JMJD1C: variants seen among roughly 807,000 people sequenced by gnomAD.
JMJD1C encodes the protein jumonji domain containing 1C.
In JMJD1C, 31 loss-of-function variants were observed where a neutral mutation model predicts 245.3. That is an observed-to-expected ratio of 0.13 (90% CI 0.09 to 0.17). The LOEUF (loss-of-function observed/expected upper bound fraction) is 0.17. Ranked by LOEUF, JMJD1C falls within the 10% of genes least tolerant of loss-of-function variation. The pLI, the probability that JMJD1C is intolerant of heterozygous loss-of-function variation, is 1.00. For synonymous variants in JMJD1C, 1,057 were observed against 1,017.4 expected, an observed-to-expected ratio of 1.04 and a Z score of -0.74; for missense variants, 2,691 against 3,000.2, an observed-to-expected ratio of 0.90 and a Z score of 2.41.
At chr10:63,267,936 A>G (rs553912873) in intron 2 of JMJD1C, among the ~76,000 whole-genome samples, 1 of 152,270 alleles carries the variant, frequency 6.6e-6, no homozygotes, top group African/African-American at 2.4e-5. Flanking sequence ...AGACGCGAAC[A>G]GATGAGCCCT....
At chr10:63,351,032 A>ATAGATTC (rs1944313276) in intron 2 of JMJD1C, among the ~76,000 whole-genome samples, 1 of 151,714 alleles carries the variant, frequency 6.6e-6, no homozygotes, top group Admixed American at 6.6e-5. Flanking sequence ...AACATTTGAT[A>ATAGATTC]TAGATTCTGT....
chr10:63,212,524 C>T (rs139715027), intron 8 of JMJD1C, among the ~76,000 whole-genome samples: 8 of 152,108 alleles, frequency 5.3e-5, no homozygotes, highest in African/African-American at 1.7e-4. Flanking sequence ...AACTACATGG[C>T]TCATGAATGA....
intron 18 of JMJD1C, among the ~76,000 whole-genome samples, chr10:63,188,018 T>C (rs553897261): frequency 6.6e-6 from 1 of 152,290 alleles, no homozygotes; most frequent in African/African-American, 2.4e-5. Context: ...CCAAAACACC[T>C]AATGTTCTTG....
chr10:63,413,085 T>C (rs1038438669), intron 1 of JMJD1C, among the ~76,000 whole-genome samples: 1 of 152,174 alleles, frequency 6.6e-6, no homozygotes, highest in African/African-American at 2.4e-5. Flanking sequence ...ATTGAAAGAC[T>C]AAGCAGTTCA....
Position 63,464,837 on chromosome 10 carries a change from T to C in JMJD1C, c.168+658A>G, listed in dbSNP as rs546949385. Reference sequence around the variant, plus strand: ...ATACCTTTCTAACAAGAAAAGCACATTGGGGACAGAAAGAGAGATTACCCT... The same window carrying C: ...ATACCTTTCTAACAAGAAAAGCACACTGGGGACAGAAAGAGAGATTACCCT... On this transcript the variant is annotated intron_variant, in intron 1 of 25. Transcript: ENST00000399262. 7.9e-5 allele frequency among the ~76,000 whole-genome samples: 12 copies of C among 152,242 alleles called. No individual in the cohort carries two copies. The South Asian group carries it at 1.9e-3, about 24-fold the overall frequency.
At chr10:63,184,528 G>T in intron 21 of JMJD1C, 80 bp downstream of exon 21, 2 of 1,267,984 alleles carry the variant, frequency 1.6e-6, no homozygotes, top group Non-Finnish European at 2.2e-6. Context: ...GCAGGCGTGA[G>T]CCACTATGCC....
At chr10:63,241,976 C>A (rs558263170) in intron 3 of JMJD1C, among the ~76,000 whole-genome samples, 1 of 152,238 alleles carries the variant, frequency 6.6e-6, no homozygotes, top group Non-Finnish European at 1.5e-5. Flanking sequence ...GATATGAGAA[C>A]AGGAAGCTAA....
At position 63,337,608 on chromosome 10, in the gene JMJD1C, G is replaced by GAAAAAGA. The variant is rs368646381; in HGVS notation, c.333+42709_333+42710insTCTTTTT. On this transcript the variant is annotated intron_variant, in intron 2 of 25. Coordinates refer to ENST00000399262, the MANE Select transcript of JMJD1C (RefSeq NM_032776.3). ...GAAAAGAAAAGAAAAGAAAAGAAAA[G>GAAAAAGA]AAAAGAAAAGAAAAGAAAAAGAAAA... Among the ~76,000 whole-genome samples the GAAAAAGA allele has an allele frequency of 1.4e-4, 13 of 92,486 alleles. 2 individuals are homozygous for GAAAAAGA. Among genetic ancestry groups the GAAAAAGA allele is most frequent in the African/African-American group, 7.3e-4 (11 of 15,158 alleles). The allele number at this position is 92,486 out of a possible 152,430, so 60.7% of individuals were successfully genotyped here.
chr10:63,401,718 T>C (rs1314441510), intron 1 of JMJD1C, among the ~76,000 whole-genome samples: 3 of 152,064 alleles, frequency 2.0e-5, no homozygotes, highest in Non-Finnish European at 4.4e-5. Flanking sequence ...AATGTTTGTG[T>C]CCCCCACTAA....
At chr10:63,448,512 T>C (rs1951842487) in intron 1 of JMJD1C, among the ~76,000 whole-genome samples, 1 of 152,136 alleles carries the variant, frequency 6.6e-6, no homozygotes, top group Non-Finnish European at 1.5e-5. Context: ...AGTATAACCA[T>C]TTGTTGTTTG....
intron 18 of JMJD1C, 27 bp downstream of exon 18, chr10:63,189,141 T>A: frequency 1.9e-6 from 3 of 1,557,190 alleles, no homozygotes; most frequent in Non-Finnish European, 2.6e-6. Context: ...CCACCAAGAG[T>A]GTTCTTTATC....
chr10:63,215,765 C>A (rs1021644532), intron 5 of JMJD1C, 69 bp from the exon 6 acceptor site: 3 of 1,089,614 alleles, frequency 2.8e-6, no homozygotes, highest in Non-Finnish European at 3.8e-6. Context: ...GGTATAATTT[C>A]TTTACTCAGT....
At chr10:63,508,942 G>T (rs1226324335) in intron 1 of JMJD1C, among the ~76,000 whole-genome samples, 4 of 152,008 alleles carry the variant, frequency 2.6e-5, no homozygotes, top group Non-Finnish European at 4.4e-5. Flanking sequence ...TTGTCTTACT[G>T]CATCAGCTAG....
intron 2 of JMJD1C, among the ~76,000 whole-genome samples, chr10:63,286,023 C>A (rs1405619935): frequency 6.9e-5 from 3 of 43,590 alleles, no homozygotes; most frequent in Admixed American, 1.3e-4. Context: ...GTGCTCCAAA[C>A]CAGATTTACT....
chr10:63,168,272 A>T (rs1842028763), intron 25 of JMJD1C, 138 bp from the exon 26 acceptor site: 6 of 983,602 alleles, frequency 6.1e-6, no homozygotes, highest in Non-Finnish European at 9.1e-6. Flanking sequence ...GTTAAGCCAA[A>T]AGGGACACTA....
At chr10:63,185,500 A>ATC in intron 20 of JMJD1C, 63 bp downstream of exon 20, 1 of 899,824 alleles carries the variant, frequency 1.1e-6, no homozygotes, top group South Asian at 1.4e-5. Context: ...TACTTATCCT[A>ATC]TCTCTGGGGA....
chr10:63,210,808 A>G (rs539986080), intron 8 of JMJD1C, among the ~76,000 whole-genome samples: 1 of 152,340 alleles, frequency 6.6e-6, no homozygotes, highest in Admixed American at 6.5e-5. Context: ...TCTGGTAAAG[A>G]GGATAATATA....
intron 2 of JMJD1C, among the ~76,000 whole-genome samples, chr10:63,320,352 A>C (rs1386653698): frequency 6.6e-6 from 1 of 152,046 alleles, no homozygotes; most frequent in East Asian, 1.9e-4. Flanking sequence ...TCTACTACTA[A>C]TGGCATCTGT....
intron 2 of JMJD1C, among the ~76,000 whole-genome samples, chr10:63,288,195 T>A (rs1369974454): frequency 6.6e-6 from 1 of 152,218 alleles, no homozygotes; most frequent in African/African-American, 2.4e-5. Flanking sequence ...TAAGTAGATC[T>A]ATGCAGTTCA....
Sources: allele counts gnomAD v4.1 joint callset (sites outside exome capture counted in the v4.1 genomes callset), GRCh38; gene constraint gnomAD v4.1.1; transcripts MANE v1.5; gene names NCBI Gene and HGNC (gene_info 2026-07-23, HGNC 2026-07-21).